The following ATG13 variants were observed in gnomAD, a reference collection of about 807,000 sequenced individuals.
ATG13 encodes autophagy-related protein 13.
Under a neutral mutation model 65.5 loss-of-function variants are expected in ATG13, and 23 were observed. The ratio of observed to expected loss-of-function variants is 0.35; its 90% CI spans 0.25 to 0.50. ATG13 has a LOEUF of 0.50. ATG13 is among the 20% of genes least tolerant of loss of function. The probability of loss-of-function intolerance (pLI) is 0.98; values close to 1 mark genes in which losing one functional copy is unlikely to be tolerated. For synonymous variants in ATG13, 252 were observed against 245.2 expected (o/e 1.03, Z -0.26); for missense variants, 566 against 677.0 (o/e 0.84, Z 1.82).
intron 13 of ATG13, 104 bp downstream of exon 13, chr11:46,665,063 T>C: frequency 8.6e-7 from 1 of 1,162,088 alleles, no homozygotes; most frequent in Non-Finnish European, 1.2e-6. Flanking sequence ...CTAAGTGCTA[T>C]ATTCTGAAGC....
At chr11:46,647,633 G>A (rs191726850) in intron 5 of ATG13, among the ~76,000 whole-genome samples, 5 of 150,654 alleles carry the variant, frequency 3.3e-5, no homozygotes, top group East Asian at 4.0e-4. Context: ...GTGCAGTGGC[G>A]CAGTCATGGC....
chr11:46,625,701 A>G (rs1481124803), intron 1 of ATG13, among the ~76,000 whole-genome samples: 1 of 152,152 alleles, frequency 6.6e-6, no homozygotes, highest in African/African-American at 2.4e-5. Context: ...GAATGAATGG[A>G]TCAGGGAACA....
intron 1 of ATG13, among the ~76,000 whole-genome samples, chr11:46,620,697 C>A (rs2135561563): frequency 6.6e-6 from 1 of 151,884 alleles, no homozygotes; most frequent in East Asian, 2.0e-4. Flanking sequence ...ATCGCTTGAA[C>A]TGGGGAGGCA....
chr11:46,657,233 T>TTAA (rs1435268543), intron 9 of ATG13, 42 bp downstream of exon 9: 1 of 1,553,864 alleles, frequency 6.4e-7, no homozygotes, highest in Non-Finnish European at 8.9e-7. Context: ...CTTCCGAAAA[T>TTAA]GTTAAAGTTT....
intron 5 of ATG13, among the ~76,000 whole-genome samples, chr11:46,647,743 TAA>T (rs879627644): frequency 1.4e-5 from 2 of 141,788 alleles, no homozygotes; most frequent in Non-Finnish European, 1.5e-5. Context: ...GGCTAATGTT[TAA>T]AAAAAAAAAA....
At chr11:46,617,995 T>G (rs1211772013) in intron 1 of ATG13, 105 bp downstream of exon 1, 3 of 398,102 alleles carry the variant, frequency 7.5e-6, no homozygotes, top group Non-Finnish European at 1.3e-5. Context: ...TAGAAGGGAT[T>G]AGCCACGGTT....
At chr11:46,655,515 A>G (rs951243252) in intron 7 of ATG13, among the ~76,000 whole-genome samples, 1 of 152,188 alleles carries the variant, frequency 6.6e-6, no homozygotes, top group African/African-American at 2.4e-5. Flanking sequence ...TGGAGGTTGC[A>G]GTGAGCCGAG....
At chr11:46,672,062 GC>G (rs1331846485) in intron 18 of ATG13, among the ~76,000 whole-genome samples, 192 bp from the exon 19 acceptor site, 1 of 152,186 alleles carries the variant, frequency 6.6e-6, no homozygotes, top group Non-Finnish European at 1.5e-5. Flanking sequence ...TAATCCTCCA[GC>G]CCCTGCAAAG....
At position 46,672,188 on chromosome 11, in the gene ATG13, G is replaced by T. The variant is rs1592335085; in HGVS notation, c.1576-67G>T. On this transcript the variant is annotated intron_variant, in intron 18 of 18. Transcript: ENST00000683050. Reference sequence around the variant, plus strand: ...CTTGCTTGCTGCCTCCCCTCTTCGGGACTGGGCTGGCTGCCTCCTCAAGGC... The same window carrying T: ...CTTGCTTGCTGCCTCCCCTCTTCGGTACTGGGCTGGCTGCCTCCTCAAGGC... 2.5e-6 allele frequency: 4 copies of T among 1,610,570 alleles called. 1 individual carries two copies. In the East Asian group the frequency reaches 6.7e-5, roughly 27 times the overall value.
intron 2 of ATG13, among the ~76,000 whole-genome samples, chr11:46,632,098 C>T (rs2051988683): frequency 6.6e-6 from 1 of 152,026 alleles, no homozygotes; most frequent in Non-Finnish European, 1.5e-5. Context: ...ACTTCTAAGA[C>T]AAGAAAACCT....
chr11:46,663,945 C>CTTTT (rs953835564), intron 11 of ATG13, 52 bp from the exon 12 acceptor site: 266 of 763,560 alleles, frequency 3.5e-4, no homozygotes, highest in South Asian at 1.1e-3. Flanking sequence ...AGTCCCTTTT[C>CTTTT]TTTTTTTTTT....
intron 7 of ATG13, among the ~76,000 whole-genome samples, chr11:46,654,729 A>G (rs2059667847): frequency 6.6e-6 from 1 of 151,596 alleles, no homozygotes; most frequent in South Asian, 2.1e-4. Context: ...CTCAAAAAAA[A>G]CAGTTGAGGC....
chr11:46,661,861 G>A (rs1048339162), intron 11 of ATG13, among the ~76,000 whole-genome samples: 1 of 152,196 alleles, frequency 6.6e-6, no homozygotes, highest in South Asian at 2.1e-4. Flanking sequence ...ACTCACAGTT[G>A]TAATCTGTTT....
At chr11:46,635,500 G>A (rs1041056118) in intron 2 of ATG13, among the ~76,000 whole-genome samples, 3 of 152,154 alleles carry the variant, frequency 2.0e-5, no homozygotes, top group African/African-American at 4.8e-5. Context: ...TGCATAGCAA[G>A]AGTTGCAGGA....
intron 2 of ATG13, among the ~76,000 whole-genome samples, chr11:46,641,040 A>C (rs1591733450): frequency 6.6e-6 from 1 of 152,330 alleles, no homozygotes; most frequent in East Asian, 1.9e-4. Flanking sequence ...ATAGCTAAAA[A>C]CAGGAAACAA....
Position 46,645,867 on chromosome 11 carries a change from C to T in ATG13, c.151-3C>T. ...TCATGCAAAAGTCCCTTTTGTTTTC[C>T]AGTTCAACTTAGCAATCAAAGACAT... On this transcript the variant is annotated splice_region_variant and splice_polypyrimidine_tract_variant and intron_variant, in intron 4 of 18. Transcript: ENST00000683050. The T allele has an allele frequency of 6.2e-7, 1 of 1,613,780 alleles. No homozygotes were observed. Among genetic ancestry groups the T allele is most frequent in the South Asian group, 1.1e-5 (1 of 91,032 alleles).
intron 3 of ATG13, 36 bp downstream of exon 3, chr11:46,644,396 GAAATAACTT>G (rs767714532): frequency 5.9e-6 from 9 of 1,526,778 alleles, no homozygotes; most frequent in African/African-American, 1.4e-5. Flanking sequence ...AGAACTGTTA[GAAATAACTT>G]CCGTGCTTCT....
At chr11:46,650,016 A>G (rs905556286) in intron 6 of ATG13, among the ~76,000 whole-genome samples, 161 bp from the exon 7 acceptor site, 1 of 152,206 alleles carries the variant, frequency 6.6e-6, no homozygotes, top group African/African-American at 2.4e-5. Context: ...GCCTGTGTCT[A>G]GTACATGAGA....
At chr11:46,649,798 A>G (rs2058528624) in intron 6 of ATG13, among the ~76,000 whole-genome samples, 1 of 152,184 alleles carries the variant, frequency 6.6e-6, no homozygotes. Context: ...ATGACCCAAA[A>G]TTTTAGAGCC....
Sources: allele counts gnomAD v4.1 joint callset (sites outside exome capture counted in the v4.1 genomes callset), GRCh38; gene constraint gnomAD v4.1.1; transcripts MANE v1.5; gene names NCBI Gene and HGNC (gene_info 2026-07-23, HGNC 2026-07-21).